The following GTPBP2 variants were observed in gnomAD, a reference collection of about 807,000 sequenced individuals.
GTPBP2 encodes GTP binding protein 2, also known as GTP-binding protein 2.
GTPBP2 carries 32 observed loss-of-function variants against 63.0 expected under a neutral mutation model. That is an observed-to-expected ratio of 0.51 (90% CI 0.38 to 0.68). The LOEUF (loss-of-function observed/expected upper bound fraction) is 0.68. Ranked by LOEUF, GTPBP2 falls within the 30% of genes least tolerant of loss-of-function variation. The probability of loss-of-function intolerance (pLI) is 0.00; values close to 1 mark genes in which losing one functional copy is unlikely to be tolerated. For synonymous variants in GTPBP2, 310 were observed against 322.6 expected (o/e 0.96, Z 0.42); for missense variants, 492 against 796.9 (o/e 0.62, Z 4.61).
At chr6:43,621,816 C>T in intron 11 of GTPBP2, 26 bp from the exon 12 acceptor site, 1 of 1,613,998 alleles carries the variant, frequency 6.2e-7, no homozygotes, top group Non-Finnish European at 8.5e-7. Context: ...GGTCACTCCC[C>T]TGGCCAGTGC....
In GTPBP2 at chr6:43,623,932, C is replaced by T. The variant is rs1252019134; in HGVS notation, c.1236+1G>A. 6.2e-7 allele frequency: 1 copy of T among 1,613,894 alleles called. No homozygotes were observed. ...TATTAGATGTTTGGGCAGTCAACTACCTGGAACTCCGTCAGCTGCTGCATG... is the reference window on the plus strand; with the variant it reads ...TATTAGATGTTTGGGCAGTCAACTATCTGGAACTCCGTCAGCTGCTGCATG... On this transcript the variant is annotated splice_donor_variant, in intron 8 of 11. Coordinates refer to ENST00000307126, the MANE Select transcript of GTPBP2 (RefSeq NM_019096.5). LOFTEE classifies it high-confidence loss of function.
upstream of GTPBP2, among the ~76,000 whole-genome samples, chr6:43,630,340 A>AG (rs1342090570): frequency 6.6e-6 from 1 of 152,212 alleles, no homozygotes; most frequent in African/African-American, 2.4e-5. Context: ...TCAGGACGCT[A>AG]GGGCTCAATT....
At chr6:43,621,891 A>G in intron 11 of GTPBP2, 101 bp from the exon 12 acceptor site, 1 of 1,599,580 alleles carries the variant, frequency 6.3e-7, no homozygotes, top group South Asian at 1.1e-5. Context: ...GCCGCTACCC[A>G]CCCTAAGTGG....
upstream of GTPBP2, among the ~76,000 whole-genome samples, chr6:43,630,116 G>A (rs1201428180): frequency 2.6e-5 from 4 of 152,222 alleles, no homozygotes; most frequent in East Asian, 5.8e-4. Context: ...TAGGGCTCGG[G>A]TTACACCAAC....
intron 1 of GTPBP2, chr6:43,628,707 T>A: frequency 1.4e-6 from 1 of 700,188 alleles, no homozygotes; most frequent in Non-Finnish European, 2.6e-6. Flanking sequence ...TGGGATCCCC[T>A]TTCTCTACTT....
rs765307640 is a variant in GTPBP2, at chr6:43,621,676, C to T, written c.1747G>A (p.Gly583Ser). ...LFREGVTKGI[G>S]HVTDVQAITA... ...ATGGCTTGTACATCAGTGACATGGCCGATGCCCTTGGTGACACCCTCCCGG... is the reference window on the plus strand; with the variant it reads ...ATGGCTTGTACATCAGTGACATGGCTGATGCCCTTGGTGACACCCTCCCGG... Residue 583 changes from glycine to serine, a missense_variant, in exon 12 of 12, where the codon GGC becomes AGC. This residue lies in a region of GTPBP2 where 400 missense variants were observed against 710.8 expected (regional missense o/e 0.56). Transcript: ENST00000307126. 1.9e-6 allele frequency: 3 copies of T among 1,614,188 alleles called. No homozygotes were observed. The highest frequency in any genetic ancestry group is 2.5e-6 in the Non-Finnish European group (3 of 1,180,034).
In GTPBP2 at chr6:43,621,781, G is replaced by A. The variant is rs753424875; in HGVS notation, c.1642C>T (p.Arg548Trp). 6.2e-6 allele frequency: 10 copies of A among 1,614,062 alleles called. No homozygotes were observed. The highest frequency in any genetic ancestry group is 8.5e-6 in the Non-Finnish European group (10 of 1,180,034). Residue 548 changes from arginine to tryptophan, a missense_variant, in exon 12 of 12, where the codon CGG becomes TGG. By Grantham distance (101) the Arg-to-Trp change is moderately radical. Coordinates refer to ENST00000307126, the MANE Select transcript of GTPBP2 (RefSeq NM_019096.5). ...VEKIHAKDKL[R>W]TGEKAVVRFR... is the part of the protein sequence containing the mutation. Reference sequence around the variant, plus strand: ...CGTACCACTGCCTTCTCGCCTGTCCGCAGTTTGTCCTGCAGCAAATAAGTG... The same window carrying A: ...CGTACCACTGCCTTCTCGCCTGTCCACAGTTTGTCCTGCAGCAAATAAGTG...
At position 43,625,771 on chromosome 6, in the gene GTPBP2, G is replaced by C; in HGVS notation, c.492C>G (p.Val164=). The change falls in exon 4 of 12, where the codon GTC becomes GTG. Residue 164 remains valine, a synonymous_variant. Transcript: ENST00000307126. This position sits in a 1 kb window ranked among gnomAD's most constrained non-coding sequence, Gnocchi z 5.1. The part of the protein sequence containing the change: ...RKITEVLVRK[V]PDNQQFLDLR... ...GTGTGCTCACCTGTTGGTTGTCAGG[G>C]ACCTTTCGTACTAGCACCTCGGTGA... is the stretch of plus-strand genomic sequence containing the variant. The C allele has an allele frequency of 1.2e-6, 2 of 1,612,376 alleles. No homozygotes were observed. The highest frequency in any genetic ancestry group is 8.5e-7 in the Non-Finnish European group (1 of 1,178,408).
In GTPBP2 at chr6:43,625,983, C is replaced by A; in HGVS notation, c.399-119G>T. 1.3e-6 allele frequency: 1 copy of A among 782,434 alleles called. No homozygotes were observed. Among genetic ancestry groups the A allele is most frequent in the Non-Finnish European group, 2.2e-6 (1 of 450,408 alleles). 48.5% of individuals were successfully genotyped at this position (782,434 alleles called of 1,614,324 possible). A position where few individuals can be genotyped will look rare whatever the true frequency, so the allele number is the denominator to read the frequency against. ...AGCTCCCAATACCTTAGTGCACTTC[C>A]TACCACCCTCCAATCTATTCCTCAT... On this transcript the variant is annotated intron_variant, in intron 3 of 11. Transcript: ENST00000307126. This position sits in a 1 kb window ranked among gnomAD's most constrained non-coding sequence, Gnocchi z 5.1.
At chr6:43,623,289 C>T (rs1229523656) in intron 9 of GTPBP2, 1 of 177,736 alleles carries the variant, frequency 5.6e-6, no homozygotes, top group Non-Finnish European at 1.2e-5. Flanking sequence ...CTACTCAAGG[C>T]TGAGGCAGGA....
rs957767016 is a variant in GTPBP2, at chr6:43,620,626, A to G, written c.*988T>C. The stretch of plus-strand genomic sequence containing the variant: ...GTCCATGGGAACCCAGGACACTAAC[A>G]AAGGGAAAGGAGAGTCCATGCCTAA... On this transcript the variant is annotated 3_prime_UTR_variant, in exon 12 of 12. Coordinates refer to ENST00000307126, the MANE Select transcript of GTPBP2 (RefSeq NM_019096.5). The G allele has an allele frequency of 3.3e-5, 5 of 153,668 alleles. No homozygotes were observed. Among genetic ancestry groups the G allele is most frequent in the Non-Finnish European group, 7.3e-5 (5 of 68,906 alleles). 9.5% of individuals were successfully genotyped at this position (153,668 alleles called of 1,614,324 possible). A position where few individuals can be genotyped will look rare whatever the true frequency, so the allele number is the denominator to read the frequency against.
chr6:43,621,362 T>C lies in GTPBP2; in HGVS notation c.*252A>G. ...CAGACAGGCCACAGGGTTGCCAGGTTTGATGAGCCAACCAGGTGAGCACAC... is the reference window on the plus strand; with the variant it reads ...CAGACAGGCCACAGGGTTGCCAGGTCTGATGAGCCAACCAGGTGAGCACAC... On this transcript the variant is annotated 3_prime_UTR_variant, in exon 12 of 12. Transcript: ENST00000307126. 2 of 1,462,844 alleles carry C rather than the reference T, an allele frequency of 1.4e-6. No homozygotes were observed. Among genetic ancestry groups the C allele is most frequent in the Non-Finnish European group, 1.8e-6 (2 of 1,082,778 alleles). The allele number at this position is 1,462,844 out of a possible 1,614,324, so 90.6% of individuals were successfully genotyped here.
At chr6:43,629,772 G>A, upstream of GTPBP2, 1 of 1,562,524 alleles carries the variant, frequency 6.4e-7, no homozygotes, top group South Asian at 1.2e-5. Context: ...CCGCTGGGGT[G>A]AGTCAGGGCG....
Position 43,624,757 on chromosome 6 carries a change from G to A in GTPBP2, c.881-28C>T, listed in dbSNP as rs760250744. 3 of 1,605,568 alleles carry A rather than the reference G, an allele frequency of 1.9e-6. No individual in the cohort carries two copies. The highest frequency in any genetic ancestry group is 1.7e-6 in the Non-Finnish European group (2 of 1,172,910). ...GCCTCATAAGGACAGCAAGCAGCAG[G>A]AGAGAAGAGTGAGAATGCAGGAGGG... On this transcript the variant is annotated intron_variant, in intron 6 of 11. Coordinates refer to ENST00000307126, the MANE Select transcript of GTPBP2 (RefSeq NM_019096.5). The surrounding 1 kb of genome is among the most constrained non-coding windows in gnomAD (Gnocchi z 5.1).
Position 43,621,046 on chromosome 6 carries a change from C to A in GTPBP2, c.*568G>T, listed in dbSNP as rs967588281. On this transcript the variant is annotated 3_prime_UTR_variant, in exon 12 of 12. Coordinates refer to ENST00000307126, the MANE Select transcript of GTPBP2 (RefSeq NM_019096.5). Reference sequence around the variant, plus strand: ...AAGGGAGATAAAGCTGAGGAAGAGGCCTCAGGCCTCAGCACAGGGTGGCAA... The same window carrying A: ...AAGGGAGATAAAGCTGAGGAAGAGGACTCAGGCCTCAGCACAGGGTGGCAA... 6 of 220,564 alleles carry A rather than the reference C, an allele frequency of 2.7e-5. No homozygotes were observed. Among genetic ancestry groups the A allele is most frequent in the Non-Finnish European group, 5.6e-5 (6 of 107,652 alleles). The allele number at this position is 220,564 out of a possible 1,614,324, so 13.7% of individuals were successfully genotyped here.
At position 43,626,523 on chromosome 6, in the gene GTPBP2, A is replaced by C; in HGVS notation, c.214-113T>G. 14 of 761,254 alleles carry C rather than the reference A, an allele frequency of 1.8e-5. No individual in the cohort carries two copies. Among genetic ancestry groups the C allele is most frequent in the South Asian group, 3.4e-5 (2 of 58,770 alleles). The allele number at this position is 761,254 out of a possible 1,614,324, so 47.2% of individuals were successfully genotyped here. A position where few individuals can be genotyped will look rare whatever the true frequency, so the allele number is the denominator to read the frequency against. On this transcript the variant is annotated intron_variant, in intron 2 of 11. Transcript: ENST00000307126. This position sits in a 1 kb window ranked among gnomAD's most constrained non-coding sequence, Gnocchi z 4.0. ...GGACTTTCTCTTTCCACTTAAACTC[A>C]TACCTGATCCCCCTCCAACAGAACG...
At chr6:43,628,206 A>G (rs1265856792) in intron 1 of GTPBP2, among the ~76,000 whole-genome samples, 1 of 152,146 alleles carries the variant, frequency 6.6e-6, no homozygotes, top group Non-Finnish European at 1.5e-5. Flanking sequence ...TCTACTAAAA[A>G]TACAAAAATT....
Position 43,625,802 on chromosome 6 carries a change from C to T in GTPBP2, c.461G>A (p.Arg154Gln), listed in dbSNP as rs1319452758. The change falls in exon 4 of 12, where the codon CGG becomes CAG. Residue 154 changes from arginine (R) to glutamine (Q), a missense_variant. By Grantham distance (43) the Arg-to-Gln change is conservative. Around this residue, in one of 2 missense-constraint regions of GTPBP2, gnomAD observed 400 missense variants for 710.8 expected, o/e 0.56. Coordinates refer to ENST00000307126, the MANE Select transcript of GTPBP2 (RefSeq NM_019096.5). This position sits in a 1 kb window ranked among gnomAD's most constrained non-coding sequence, Gnocchi z 5.1. ...REVDYDSDMPRKITEVLVRKV... is the reference protein window; with the variant it reads ...REVDYDSDMPQKITEVLVRKV... ...TCGTACTAGCACCTCGGTGATCTTC[C>T]GGGGCATGTCGCTATCATAATCCAC... is the stretch of plus-strand genomic sequence containing the variant. 20 of 1,613,954 alleles carry T rather than the reference C, an allele frequency of 1.2e-5. No homozygotes were observed. The highest frequency in any genetic ancestry group is 1.7e-5 in the Non-Finnish European group (20 of 1,179,984).
rs769270936 is a variant in GTPBP2, at chr6:43,629,084, C to A, written c.79G>T (p.Ala27Ser). ...CCGCTGCTGCTGCCGGCCCCCCTAG[C>A]CTTGAGGGTTCCGCCCACGGCCGGG... ...GGPAVGGTLKARGAGSSSGCG... is the reference protein window; with the variant it reads ...GGPAVGGTLKSRGAGSSSGCG... The change falls in exon 1 of 12, where the codon GCT becomes TCT. Residue 27 changes from alanine (A) to serine (S), a missense_variant. Ala to Ser is a moderately conservative substitution (Grantham distance 99). Around this residue, in one of 2 missense-constraint regions of GTPBP2, gnomAD observed 92 missense variants for 86.1 expected, o/e 1.07. Coordinates refer to ENST00000307126, the MANE Select transcript of GTPBP2 (RefSeq NM_019096.5). 6.3e-7 allele frequency: 1 copy of A among 1,592,934 alleles called. No individual in the cohort carries two copies. Among genetic ancestry groups the A allele is most frequent in the African/African-American group, 1.3e-5 (1 of 74,150 alleles).
Sources: allele counts gnomAD v4.1 joint callset (sites outside exome capture counted in the v4.1 genomes callset), GRCh38; gene constraint gnomAD v4.1.1; regional missense constraint gnomAD v4.1.1; non-coding constraint Gnocchi (gnomAD v3.1); transcripts MANE v1.5; gene names NCBI Gene and HGNC (gene_info 2026-07-23, HGNC 2026-07-21).